HYCC1: variants seen among roughly 807,000 people sequenced by gnomAD.
HYCC1 encodes the protein hyccin.
the HYCC1 span, among the ~76,000 whole-genome samples, chr7:22,954,753 C>T: frequency 6.6e-6 from 1 of 151,446 alleles, no homozygotes; most frequent in Non-Finnish European, 1.5e-5. Flanking sequence ...ACAGTTGCTA[C>T]TTTTAATTCT....
At chr7:22,920,945 AC>A in the HYCC1 span, among the ~76,000 whole-genome samples, 1 of 151,510 alleles carries the variant, frequency 6.6e-6, no homozygotes, top group South Asian at 2.1e-4. Flanking sequence ...GCACCTCCCC[AC>A]CCTCTCTCTT....
chr7:22,969,565 G>C, the HYCC1 span, among the ~76,000 whole-genome samples: 1 of 151,070 alleles, frequency 6.6e-6, no homozygotes, highest in Non-Finnish European at 1.5e-5. Flanking sequence ...CTGTCGCCCA[G>C]GCTGGAGGGC....
chr7:22,964,853 G>T, the HYCC1 span, among the ~76,000 whole-genome samples: 1 of 151,996 alleles, frequency 6.6e-6, no homozygotes, highest in African/African-American at 2.4e-5. Context: ...ACTTGGCACT[G>T]CCCAAGCTCA....
chr7:22,968,802 A>G, the HYCC1 span, among the ~76,000 whole-genome samples: 4 of 152,256 alleles, frequency 2.6e-5, no homozygotes, highest in Middle Eastern at 6.8e-3. Context: ...CCTGGCCAAC[A>G]TGGTGAAACC....
chr7:22,908,356 C>G, the HYCC1 span, among the ~76,000 whole-genome samples: 1 of 152,178 alleles, frequency 6.6e-6, no homozygotes, highest in African/African-American at 2.4e-5. Flanking sequence ...GTTACATTTT[C>G]TTGTATGGCA....
the HYCC1 span, among the ~76,000 whole-genome samples, chr7:22,924,008 A>C: frequency 2.0e-5 from 3 of 149,730 alleles, no homozygotes; most frequent in African/African-American, 7.4e-5. Flanking sequence ...AAAAAAAAAA[A>C]AAAAAACCCA....
the HYCC1 span, chr7:22,945,793 A>G: frequency 6.8e-5 from 109 of 1,613,716 alleles, no homozygotes; most frequent in Non-Finnish European, 9.1e-5. Context: ...TGACTTGTTC[A>G]AAGGATTTAC....
chr7:22,994,230 C>T, the HYCC1 span, among the ~76,000 whole-genome samples: 1 of 152,134 alleles, frequency 6.6e-6, no homozygotes, highest in Non-Finnish European at 1.5e-5. Flanking sequence ...GTATACTGTA[C>T]AATATCTGAA....
the HYCC1 span, among the ~76,000 whole-genome samples, chr7:22,919,511 A>G: frequency 6.6e-6 from 1 of 152,208 alleles, no homozygotes; most frequent in Non-Finnish European, 1.5e-5. Context: ...CCTGGAAAAC[A>G]GAGGAAGATT....
At chr7:22,901,439 G>A in the HYCC1 span, among the ~76,000 whole-genome samples, 3 of 151,892 alleles carry the variant, frequency 2.0e-5, no homozygotes, top group African/African-American at 4.8e-5. Flanking sequence ...ATTAGAAGAC[G>A]AAGATTGGCA....
At chr7:22,959,086 T>G in the HYCC1 span, among the ~76,000 whole-genome samples, 1 of 152,190 alleles carries the variant, frequency 6.6e-6, no homozygotes, top group Non-Finnish European at 1.5e-5. Flanking sequence ...GAAGCTGAAG[T>G]ATGTTTAGAC....
At chr7:22,905,308 G>C in the HYCC1 span, among the ~76,000 whole-genome samples, 1 of 150,750 alleles carries the variant, frequency 6.6e-6, no homozygotes, top group Non-Finnish European at 1.5e-5. Flanking sequence ...AGGTTCAAGC[G>C]ATTCTCCTGT....
the HYCC1 span, among the ~76,000 whole-genome samples, chr7:22,949,583 G>GT: frequency 7.3e-5 from 11 of 151,574 alleles, no homozygotes; most frequent in East Asian, 1.9e-4. Flanking sequence ...TTAGGTCTGT[G>GT]TATTTTTTTA....
the HYCC1 span, among the ~76,000 whole-genome samples, chr7:22,918,366 T>C: frequency 2.0e-5 from 3 of 152,242 alleles, no homozygotes; most frequent in African/African-American, 4.8e-5. Flanking sequence ...TATCATCCCT[T>C]ACCACAAAAT....
chr7:22,970,583 G>A, the HYCC1 span, among the ~76,000 whole-genome samples: 2 of 152,330 alleles, frequency 1.3e-5, no homozygotes, highest in South Asian at 4.1e-4. Context: ...CTTTAGGAAT[G>A]ATGGTCACGG....
At chr7:22,969,868 T>C in the HYCC1 span, among the ~76,000 whole-genome samples, 1 of 152,104 alleles carries the variant, frequency 6.6e-6, no homozygotes, top group East Asian at 1.9e-4. Flanking sequence ...TTGGTTGCCA[T>C]AGGAAGAGTC....
At chr7:22,969,944 T>A in the HYCC1 span, among the ~76,000 whole-genome samples, 3 of 152,154 alleles carry the variant, frequency 2.0e-5, no homozygotes, top group South Asian at 2.1e-4. Flanking sequence ...ATATACAGGT[T>A]TAGGAATCAG....
At chr7:22,976,343 A>C in the HYCC1 span, 1 of 1,461,732 alleles carries the variant, frequency 6.8e-7, no homozygotes, top group Non-Finnish European at 9.5e-7. Context: ...AAATCTTTAG[A>C]ATTCTAAGAA....
the HYCC1 span, chr7:22,976,116 G>C: frequency 1.2e-6 from 1 of 831,122 alleles, no homozygotes; most frequent in Non-Finnish European, 2.1e-6. Context: ...TTAAACAAAT[G>C]ATTACACAAA....
Sources: gnomAD v4.1 joint callset for allele counts (sites outside exome capture counted in the v4.1 genomes callset) on GRCh38, gnomAD v4.1.1 for gene constraint, MANE v1.5 for transcripts, NCBI Gene and HGNC (gene_info 2026-07-23, HGNC 2026-07-21) for gene names.